TAMM41: variants seen among roughly 807,000 people sequenced by gnomAD.
TAMM41 encodes TAM41 mitochondrial translocator assembly and maintenance homolog, also known as phosphatidate cytidylyltransferase, mitochondrial.
In TAMM41, 36 loss-of-function variants were observed where a neutral mutation model predicts 44.1. The observed-to-expected ratio is 0.82, with a 90% confidence interval of 0.63 to 1.08. TAMM41 has a LOEUF of 1.08. Among genes scored for constraint, TAMM41 ranks in the 50% least tolerant of loss-of-function variants. The pLI is 0.00. For missense variants in TAMM41, 417 were observed against 404.3 expected (o/e 1.03, Z -0.27); for synonymous variants, 164 against 153.1 (o/e 1.07, Z -0.53).
downstream of TAMM41, among the ~76,000 whole-genome samples, chr3:11,788,539 T>C (rs897366895): frequency 6.6e-6 from 1 of 152,196 alleles, no homozygotes; most frequent in Non-Finnish European, 1.5e-5. Context: ...CTCTCCAGCC[T>C]CAGCCTTCCA....
At chr3:11,802,870 TC>T (rs2077793641) in intron 7 of TAMM41, among the ~76,000 whole-genome samples, 3 of 152,202 alleles carry the variant, frequency 2.0e-5, no homozygotes, top group Admixed American at 2.0e-4. Context: ...GTGGGATTTA[TC>T]CCAGGGATGC....
At chr3:11,765,922 G>A in the TAMM41 span, among the ~76,000 whole-genome samples, 12 of 151,896 alleles carry the variant, frequency 7.9e-5, no homozygotes, top group South Asian at 6.2e-4. Context: ...GGCTGGTCTC[G>A]AACCCCTGGC....
At chr3:11,814,674 C>A (rs2078216748) in intron 5 of TAMM41, among the ~76,000 whole-genome samples, 2 of 152,150 alleles carry the variant, frequency 1.3e-5, no homozygotes, top group Admixed American at 6.5e-5. Flanking sequence ...TAGAAAAGGC[C>A]CACTGAGGCT....
At chr3:11,735,263 C>G in the TAMM41 span, among the ~76,000 whole-genome samples, 1 of 152,030 alleles carries the variant, frequency 6.6e-6, no homozygotes, top group East Asian at 1.9e-4. Context: ...GAGGCTGCAG[C>G]AGGAGGATCA....
chr3:11,838,790 T>A (rs2079299607), intron 3 of TAMM41, among the ~76,000 whole-genome samples: 1 of 151,958 alleles, frequency 6.6e-6, no homozygotes, highest in African/African-American at 2.4e-5. Flanking sequence ...CCTTTTCCCC[T>A]CTGTGAAGGT....
intron 7 of TAMM41, among the ~76,000 whole-genome samples, chr3:11,800,716 A>G (rs1219444944): frequency 6.6e-6 from 1 of 152,202 alleles, no homozygotes; most frequent in Non-Finnish European, 1.5e-5. Flanking sequence ...ACACAATAAC[A>G]GTGGGGGACT....
the TAMM41 span, among the ~76,000 whole-genome samples, chr3:11,778,230 T>C: frequency 6.6e-6 from 1 of 152,156 alleles, no homozygotes; most frequent in African/African-American, 2.4e-5. Flanking sequence ...TCTATGTTTT[T>C]TTTTCCTTTT....
chr3:11,749,460 G>A, the TAMM41 span, among the ~76,000 whole-genome samples: 5 of 152,204 alleles, frequency 3.3e-5, no homozygotes, highest in African/African-American at 4.8e-5. Flanking sequence ...GAGAGCCCTC[G>A]AATTCTGTGC....
At chr3:11,796,929 C>T (rs759746625) in intron 7 of TAMM41, among the ~76,000 whole-genome samples, 1 of 152,074 alleles carries the variant, frequency 6.6e-6, no homozygotes, top group Non-Finnish European at 1.5e-5. Context: ...AAAAGGAATA[C>T]ATCTAACCAG....
chr3:11,776,218 C>T, the TAMM41 span, among the ~76,000 whole-genome samples: 5,831 of 151,734 alleles, frequency 0.038, 151 homozygotes, highest in Non-Finnish European at 0.039. Context: ...TGGGGTTTCA[C>T]CGTGTTAGCC....
chr3:11,820,688 C>T (rs565688579), intron 4 of TAMM41, among the ~76,000 whole-genome samples: 9 of 152,286 alleles, frequency 5.9e-5, no homozygotes, highest in African/African-American at 1.4e-4. Flanking sequence ...GGGCACAGCA[C>T]GAACCAGCAT....
the TAMM41 span, among the ~76,000 whole-genome samples, chr3:11,754,303 A>G: frequency 3.0e-3 from 457 of 152,254 alleles, no homozygotes; most frequent in South Asian, 0.023. Context: ...TAGAAACCCA[A>G]GTGTCACTAT....
At chr3:11,727,197 A>C in the TAMM41 span, among the ~76,000 whole-genome samples, 202 of 152,326 alleles carry the variant, frequency 1.3e-3, 1 homozygote, top group African/African-American at 4.7e-3. Context: ...TGCAGACATT[A>C]AATTACTTGT....
the TAMM41 span, among the ~76,000 whole-genome samples, chr3:11,778,947 T>C: frequency 3.3e-5 from 5 of 152,206 alleles, no homozygotes; most frequent in African/African-American, 9.6e-5. Flanking sequence ...TCTGCTATGC[T>C]ACGGTTTGGA....
At chr3:11,728,965 G>A in the TAMM41 span, among the ~76,000 whole-genome samples, 10 of 146,514 alleles carry the variant, frequency 6.8e-5, no homozygotes, top group Admixed American at 2.8e-4. Context: ...CCGAGATCGC[G>A]CCATTGCACT....
At chr3:11,823,476 T>C (rs898744932) in intron 4 of TAMM41, among the ~76,000 whole-genome samples, 1 of 151,628 alleles carries the variant, frequency 6.6e-6, no homozygotes, top group East Asian at 2.0e-4. Context: ...AGACTGGTCT[T>C]GAACCCCTGA....
At chr3:11,846,045 C>G (rs929238916) in intron 1 of TAMM41, among the ~76,000 whole-genome samples, 2 of 152,256 alleles carry the variant, frequency 1.3e-5, no homozygotes, top group African/African-American at 4.8e-5. Context: ...TCTCAACAAA[C>G]TTGGCTGCGC....
At chr3:11,755,596 T>C in the TAMM41 span, among the ~76,000 whole-genome samples, 3 of 152,120 alleles carry the variant, frequency 2.0e-5, no homozygotes, top group Non-Finnish European at 4.4e-5. Flanking sequence ...CGGGCGGGGA[T>C]GTCCAGCTTG....
In TAMM41 at chr3:11,840,646, T is replaced by A. The variant is rs148175833; in HGVS notation, c.319-1332A>T. On this transcript the variant is annotated intron_variant, in intron 2 of 7. Transcript: ENST00000455809. ...AAGGTGACCACTATTTCAACTTAGG[T>A]CCATGTGATGTTAAAGGTGGAATGG... Among the ~76,000 whole-genome samples, 587 of 151,888 alleles carry A rather than the reference T, an allele frequency of 3.9e-3. 3 individuals are homozygous for A. The highest frequency in any genetic ancestry group is 0.014 in the African/African-American group (565 of 41,396).
Sources: gnomAD v4.1 joint callset for allele counts (sites outside exome capture counted in the v4.1 genomes callset) on GRCh38, gnomAD v4.1.1 for gene constraint, MANE v1.5 for transcripts, NCBI Gene and HGNC (gene_info 2026-07-23, HGNC 2026-07-21) for gene names.